The following AKR1C3 variants were observed in gnomAD, a reference collection of about 807,000 sequenced individuals.
AKR1C3 encodes the protein aldo-keto reductase family 1 member C3, also known as 3-alpha hydroxysteroid dehydrogenase, type II.
In AKR1C3, 48 loss-of-function variants were observed where a neutral mutation model predicts 43.6. That is an observed-to-expected ratio of 1.10 (90% CI 0.87 to 1.40). The LOEUF (loss-of-function observed/expected upper bound fraction) is 1.40, where lower values mean the gene tolerates loss of function less well. Among genes scored for constraint, AKR1C3 ranks in the 40% most tolerant of loss-of-function variants. The pLI, the probability that AKR1C3 is intolerant of heterozygous loss-of-function variation, is 0.00. For synonymous variants in AKR1C3, 162 were observed against 139.6 expected, an observed-to-expected ratio of 1.16 and a Z score of -1.13; for missense variants, 482 against 391.2, an observed-to-expected ratio of 1.23 and a Z score of -1.96.
At chr10:5,076,075 G>T (rs779951956) in intron 1 of AKR1C3, among the ~76,000 whole-genome samples, 2 of 152,076 alleles carry the variant, frequency 1.3e-5, no homozygotes, top group Non-Finnish European at 2.9e-5. Flanking sequence ...CCTTTCACTT[G>T]CATTTAAGCC....
At chr10:5,064,560 C>T (rs1233365552) in intron 1 of AKR1C3, among the ~76,000 whole-genome samples, 2 of 152,094 alleles carry the variant, frequency 1.3e-5, no homozygotes, top group Non-Finnish European at 2.9e-5. Flanking sequence ...AGCTTCTACA[C>T]AGCAAAAGAC....
At chr10:5,103,192 C>T (rs1554786422) in intron 7 of AKR1C3, among the ~76,000 whole-genome samples, 2 of 152,316 alleles carry the variant, frequency 1.3e-5, no homozygotes, top group African/African-American at 4.8e-5. Flanking sequence ...CTGGCCTCCT[C>T]TTCATCTTCA....
chr10:5,071,096 G>T (rs1838605297), intron 1 of AKR1C3, among the ~76,000 whole-genome samples: 2 of 152,280 alleles, frequency 1.3e-5, no homozygotes, highest in African/African-American at 2.4e-5. Flanking sequence ...TATTTACAGA[G>T]AATTATATGG....
At chr10:5,079,600 G>A (rs1215534646) in intron 1 of AKR1C3, among the ~76,000 whole-genome samples, 5 of 151,782 alleles carry the variant, frequency 3.3e-5, no homozygotes, top group Non-Finnish European at 7.4e-5. Context: ...TTCTCCATAG[G>A]CCACTGTCTA....
intron 1 of AKR1C3, among the ~76,000 whole-genome samples, chr10:5,083,668 G>C (rs1554782650): frequency 2.0e-5 from 3 of 152,138 alleles, no homozygotes; most frequent in Non-Finnish European, 1.5e-5. Context: ...CTTCCACAAT[G>C]GTTGAACTAG....
chr10:5,099,806 T>C (rs1839302428), intron 5 of AKR1C3: 1 of 254,822 alleles, frequency 3.9e-6, no homozygotes, highest in South Asian at 6.0e-5. Context: ...GAATGGTGTA[T>C]AGATATGAAG....
chr10:5,105,948 T>G (rs1554787147), intron 8 of AKR1C3, among the ~76,000 whole-genome samples: 1 of 152,230 alleles, frequency 6.6e-6, no homozygotes, highest in Non-Finnish European at 1.5e-5. Flanking sequence ...ACGTTCCATA[T>G]AGGCCTGGTG....
At chr10:5,049,073 A>G (rs1196262026) in intron 1 of AKR1C3, among the ~76,000 whole-genome samples, 1 of 152,098 alleles carries the variant, frequency 6.6e-6, no homozygotes. Context: ...TGTTGTGCAT[A>G]GAAGTCTGGT....
upstream of AKR1C3, chr10:5,094,373 C>A (rs1227136137): frequency 8.3e-6 from 13 of 1,563,856 alleles, no homozygotes; most frequent in East Asian, 2.2e-4. Flanking sequence ...GGAGGGGTTT[C>A]CTGCCCATTG....
chr10:5,076,695 T>A (rs947561390), intron 1 of AKR1C3, among the ~76,000 whole-genome samples: 1 of 152,180 alleles, frequency 6.6e-6, no homozygotes, highest in Non-Finnish European at 1.5e-5. Flanking sequence ...TTTGGAAGCA[T>A]CTCTTTTCAT....
At chr10:5,101,918 A>G (rs782561486) in intron 5 of AKR1C3, among the ~76,000 whole-genome samples, 183 bp from the exon 6 acceptor site, 8 of 152,228 alleles carry the variant, frequency 5.3e-5, no homozygotes, top group African/African-American at 7.2e-5. Context: ...TGGCATTTCC[A>G]TTTATACTTT....
At chr10:5,106,727 C>T (rs1372024135) in intron 8 of AKR1C3, among the ~76,000 whole-genome samples, 1 of 148,266 alleles carries the variant, frequency 6.7e-6, no homozygotes, top group Non-Finnish European at 1.5e-5. Context: ...GCACTCCAGC[C>T]TGAATGACAG....
intron 1 of AKR1C3, among the ~76,000 whole-genome samples, chr10:5,052,677 T>C (rs1380137635): frequency 6.6e-6 from 1 of 152,106 alleles, no homozygotes; most frequent in Non-Finnish European, 1.5e-5. Context: ...GAGTGCCGAT[T>C]GGTATATTTA....
chr10:5,052,474 T>A lies in AKR1C3; in HGVS notation c.84+3579T>A, dbSNP rs185151367. Among the ~76,000 whole-genome samples the A allele has an allele frequency of 2.0e-5, 3 of 147,902 alleles. No individual in the cohort carries two copies. The East Asian group carries it at 5.8e-4, about 29-fold the overall frequency. ...TTGTTCCATTGTACAGAGAGCTGAT[T>A]GGTCTGTTTTACAGAGAGCTGATTG... On this transcript the variant is annotated intron_variant, in intron 1 of 8. Coordinates refer to the AKR1C3 transcript ENST00000439082.
chr10:5,105,873 C>G (rs782665856), intron 8 of AKR1C3, among the ~76,000 whole-genome samples, 196 bp downstream of exon 8: 19 of 152,186 alleles, frequency 1.2e-4, no homozygotes, highest in Admixed American at 1.0e-3. Flanking sequence ...ATGGGTCAAC[C>G]TGTGCCTCTG....
upstream of AKR1C3, among the ~76,000 whole-genome samples, chr10:5,092,886 C>G (rs1554784525): frequency 6.6e-6 from 1 of 152,000 alleles, no homozygotes; most frequent in African/African-American, 2.4e-5. Flanking sequence ...TTTATTTGAG[C>G]ATTTCAAAAT....
At position 5,063,704 on chromosome 10, in the gene AKR1C3, A is replaced by G. The variant is rs1386210020; in HGVS notation, c.84+14809A>G. On this transcript the variant is annotated intron_variant, in intron 1 of 8. Transcript: ENST00000439082. Reference sequence around the variant, plus strand: ...CAGAAGCCTCAGAGGCAGAGGTTGCAGTGAGCCAAGACTGCGCCACTGCAA... The same window carrying G: ...CAGAAGCCTCAGAGGCAGAGGTTGCGGTGAGCCAAGACTGCGCCACTGCAA... 2.2e-5 allele frequency among the ~76,000 whole-genome samples: 3 copies of G among 139,024 alleles called. No individual in the cohort carries two copies. In the East Asian group the frequency reaches 6.7e-4, roughly 31 times the overall value. 91.2% of individuals were successfully genotyped at this position (139,024 alleles called of 152,430 possible). A position where few individuals can be genotyped will look rare whatever the true frequency, so the allele number is the denominator to read the frequency against.
intron 5 of AKR1C3, among the ~76,000 whole-genome samples, chr10:5,100,737 T>A (rs1267765811): frequency 6.6e-6 from 1 of 152,178 alleles, no homozygotes; most frequent in Non-Finnish European, 1.5e-5. Flanking sequence ...AATAGAAACA[T>A]TAAGAAAATG....
chr10:5,106,914 A>AAAT (rs10637298), intron 8 of AKR1C3, among the ~76,000 whole-genome samples: 120,441 of 143,490 alleles, frequency 0.84, 48,703 homozygotes, highest in Non-Finnish European at 0.86. Context: ...CAAGGAAAAT[A>AAAT]AATAAAAAAA....
Sources: allele counts gnomAD v4.1 joint callset (sites outside exome capture counted in the v4.1 genomes callset), GRCh38; gene constraint gnomAD v4.1.1; transcripts MANE v1.5; gene names NCBI Gene and HGNC (gene_info 2026-07-23, HGNC 2026-07-21).